TSPAN19: variants seen among roughly 807,000 people sequenced by gnomAD.
The protein encoded by TSPAN19 is tetraspanin-19.
In TSPAN19, 44 loss-of-function variants were observed where a neutral mutation model predicts 35.1. The ratio of observed to expected loss-of-function variants is 1.25; its 90% CI spans 0.98 to 1.61. The LOEUF (loss-of-function observed/expected upper bound fraction) is 1.61, where lower values mean the gene tolerates loss of function less well. Ranked by LOEUF, TSPAN19 falls within the 40% of genes most tolerant of loss-of-function variation. The pLI is 0.00. For missense variants in TSPAN19, 290 were observed against 280.0 expected (o/e 1.04, Z -0.26); for synonymous variants, 79 against 92.0 (o/e 0.86, Z 0.81).
rs968304414 is a variant in TSPAN19, at chr12:85,015,967, C to T, written c.599G>A (p.Cys200Tyr). ...ATACCATGCACTGATTTTATTTTCA[C>T]AACCCTAAGAAAAAGAAGTTATTCA... ...EPLNATYLEG[C>Y]ENKISAWYNV... The change falls in exon 8 of 9, where the codon TGT becomes TAT. Residue 200 changes from cysteine (C) to tyrosine (Y), a missense_variant. Physicochemically the swap from Cys to Tyr is radical, Grantham distance 194. Coordinates refer to ENST00000532498, the MANE Select transcript of TSPAN19 (RefSeq NM_001100917.2). The T allele has an allele frequency of 2.0e-6, 3 of 1,534,394 alleles. No homozygotes were observed. The highest frequency in any genetic ancestry group is 2.8e-5 in the African/African-American group (2 of 72,228).
At position 85,014,499 on chromosome 12, in the gene TSPAN19, A is replaced by G. The variant is rs1158238163; in HGVS notation, c.735T>C (p.His245=). Residue 245 remains histidine, a synonymous_variant, in exon 9 of 9, where the codon CAT becomes CAC. Transcript: ENST00000532498. ...CFFKNIKNII[H]AEM The stretch of plus-strand genomic sequence containing the variant: ...TGAAATCCAAAGGTCACATTTCTGC[A>G]TGGATTATATTCTTGATGTTTTTGA... 6.9e-6 allele frequency: 11 copies of G among 1,600,960 alleles called. No individual in the cohort carries two copies. The highest frequency in any genetic ancestry group is 9.4e-6 in the Non-Finnish European group (11 of 1,172,964).
chr12:85,015,281 G>T (rs911988946), intron 8 of TSPAN19: 1 of 151,804 alleles, frequency 6.6e-6, no homozygotes, highest in African/African-American at 2.4e-5. Flanking sequence ...GAAGAATAGC[G>T]TCTTGCTTCT....
chr12:85,029,969 T>C lies in TSPAN19; in HGVS notation c.-23A>G. The C allele has an allele frequency of 7.1e-7, 1 of 1,408,628 alleles. No individual in the cohort carries two copies. The highest frequency in any genetic ancestry group is 9.5e-7 in the Non-Finnish European group (1 of 1,047,588). The allele number at this position is 1,408,628 out of a possible 1,614,324, so 87.3% of individuals were successfully genotyped here. A position where few individuals can be genotyped will look rare whatever the true frequency, so the allele number is the denominator to read the frequency against. ...CATTCTTTTTCTTCCAAGATATTGA[T>C]GATTCTGAAAAGACAACCATAACTT... is the stretch of plus-strand genomic sequence containing the variant. On this transcript the variant is annotated 5_prime_UTR_variant, in exon 2 of 9. Coordinates refer to ENST00000532498, the MANE Select transcript of TSPAN19 (RefSeq NM_001100917.2).
At chr12:85,031,272 G>A (rs899188467) in intron 1 of TSPAN19, among the ~76,000 whole-genome samples, 6 of 152,032 alleles carry the variant, frequency 3.9e-5, no homozygotes, top group Non-Finnish European at 7.4e-5. Flanking sequence ...GGCATGTTTT[G>A]ATGGGACGCT....
At chr12:85,027,209 T>G (rs936391858) in intron 4 of TSPAN19, among the ~76,000 whole-genome samples, 1 of 152,198 alleles carries the variant, frequency 6.6e-6, no homozygotes, top group Non-Finnish European at 1.5e-5. Flanking sequence ...TAATTATAGT[T>G]CTCTTTTAAA....
At chr12:85,018,250 T>C (rs1037396474) in intron 6 of TSPAN19, among the ~76,000 whole-genome samples, 1 of 151,828 alleles carries the variant, frequency 6.6e-6, no homozygotes, top group Non-Finnish European at 1.5e-5. Context: ...AAGAGAAAGG[T>C]GAAGTAATTG....
chr12:85,021,535 G>T (rs1877125964), intron 5 of TSPAN19, among the ~76,000 whole-genome samples: 1 of 151,860 alleles, frequency 6.6e-6, no homozygotes, highest in African/African-American at 2.4e-5. Context: ...ACATTATTTG[G>T]GAGATCCAGA....
At chr12:85,017,674 T>C (rs1193185288) in intron 6 of TSPAN19, 75 bp from the exon 7 acceptor site, 3 of 1,163,494 alleles carry the variant, frequency 2.6e-6, no homozygotes, top group Non-Finnish European at 3.6e-6. Context: ...AATATTGAAG[T>C]GGTTTTTGTG....
intron 8 of TSPAN19, 86 bp downstream of exon 8, chr12:85,015,801 AT>A: frequency 1.1e-6 from 1 of 925,758 alleles, no homozygotes. Flanking sequence ...AACTTATCTG[AT>A]TAGGTCTCCA....
rs1432483924 is a variant in TSPAN19, at chr12:85,019,827, T to C, written c.340-91A>G. 8.1e-6 allele frequency: 5 copies of C among 613,800 alleles called. No individual in the cohort carries two copies. The African/African-American group carries it at 9.5e-5, about 12-fold the overall frequency. The allele number at this position is 613,800 out of a possible 1,614,324, so 38.0% of individuals were successfully genotyped here. On this transcript the variant is annotated intron_variant, in intron 5 of 8. Coordinates refer to ENST00000532498, the MANE Select transcript of TSPAN19 (RefSeq NM_001100917.2). ...TGATGGTTCCTCAAGAGTACCATCA[T>C]GAAAAGAATATTCAATATTATTTTT...
chr12:85,014,515 A>G lies in TSPAN19; in HGVS notation c.719T>C (p.Ile240Thr). The G allele has an allele frequency of 6.2e-7, 1 of 1,605,284 alleles. No individual in the cohort carries two copies. The highest frequency in any genetic ancestry group is 8.5e-7 in the Non-Finnish European group (1 of 1,175,196). ...VSLTVCFFKN[I>T]KNIIHAEM ...CATTTCTGCATGGATTATATTCTTGATGTTTTTGAAGAAACAAACTGTTAA... is the reference window on the plus strand; with the variant it reads ...CATTTCTGCATGGATTATATTCTTGGTGTTTTTGAAGAAACAAACTGTTAA... The change falls in exon 9 of 9, where the codon ATC becomes ACC. Residue 240 changes from isoleucine (I) to threonine (T), a missense_variant. Coordinates refer to ENST00000532498, the MANE Select transcript of TSPAN19 (RefSeq NM_001100917.2).
intron 4 of TSPAN19, among the ~76,000 whole-genome samples, chr12:85,024,471 A>G (rs1592663467): frequency 6.6e-6 from 1 of 152,074 alleles, no homozygotes; most frequent in Admixed American, 6.6e-5. Flanking sequence ...CACAGCACAT[A>G]TTAATATATA....
chr12:85,031,958 GA>G (rs1040900599), intron 1 of TSPAN19, among the ~76,000 whole-genome samples: 15 of 151,454 alleles, frequency 9.9e-5, no homozygotes, highest in African/African-American at 3.1e-4. Flanking sequence ...AAGATAATTA[GA>G]AAAAAAAGAG....
intron 1 of TSPAN19, among the ~76,000 whole-genome samples, chr12:85,030,567 G>A (rs1877637145): frequency 6.6e-6 from 1 of 151,998 alleles, no homozygotes; most frequent in African/African-American, 2.4e-5. Context: ...AGTGGCGAGA[G>A]TATGTCTTAT....
chr12:85,035,420 T>C (rs958989196), intron 1 of TSPAN19, among the ~76,000 whole-genome samples: 1 of 152,170 alleles, frequency 6.6e-6, no homozygotes, highest in East Asian at 1.9e-4. Flanking sequence ...TTTAAAATCA[T>C]CTTTCCTGAA....
At chr12:85,032,744 G>T (rs1877747629) in intron 1 of TSPAN19, among the ~76,000 whole-genome samples, 1 of 148,312 alleles carries the variant, frequency 6.7e-6, no homozygotes, top group Admixed American at 6.6e-5. Context: ...TAAGTTAAGT[G>T]TAGTTCTTAT....
chr12:85,027,802 T>C, intron 4 of TSPAN19, 97 bp downstream of exon 4: 2 of 1,200,336 alleles, frequency 1.7e-6, no homozygotes, highest in East Asian at 5.4e-5. Flanking sequence ...CATACTCTAC[T>C]GCAGTGCCAT....
intron 4 of TSPAN19, among the ~76,000 whole-genome samples, chr12:85,024,018 C>G (rs757763334): frequency 6.6e-6 from 1 of 151,792 alleles, no homozygotes; most frequent in Admixed American, 6.6e-5. Context: ...TTGAGTTATT[C>G]AAGAATAAGA....
chr12:85,031,540 T>G (rs1173781831), intron 1 of TSPAN19, among the ~76,000 whole-genome samples: 1 of 152,106 alleles, frequency 6.6e-6, no homozygotes, highest in East Asian at 1.9e-4. Context: ...ATAATTAGCA[T>G]GTTAGGCAGG....
Sources: gnomAD v4.1 joint callset for allele counts (sites outside exome capture counted in the v4.1 genomes callset) on GRCh38, gnomAD v4.1.1 for gene constraint, MANE v1.5 for transcripts, NCBI Gene and HGNC (gene_info 2026-07-23, HGNC 2026-07-21) for gene names.